PLCXD3: variants seen among roughly 807,000 people sequenced by gnomAD.
The protein encoded by PLCXD3 is PI-PLC X domain-containing protein 3.
A neutral mutation model predicts 25.5 loss-of-function variants in PLCXD3; 19 were observed. The ratio of observed to expected loss-of-function variants is 0.75; its 90% confidence interval spans 0.52 to 1.09. The LOEUF (loss-of-function observed/expected upper bound fraction) is 1.09, where lower values mean the gene tolerates loss of function less well. Among genes scored for constraint, PLCXD3 ranks in the 50% least tolerant of loss-of-function variants. The probability of loss-of-function intolerance (pLI) is 0.00; values close to 1 mark genes in which losing one functional copy is unlikely to be tolerated. For missense variants in PLCXD3, 411 were observed against 388.1 expected, an observed-to-expected ratio of 1.06 and a Z score of -0.50; for synonymous variants, 174 against 137.6, an observed-to-expected ratio of 1.26 and a Z score of -1.85.
chr5:41,367,844 A>C (rs565177639), intron 2 of PLCXD3, among the ~76,000 whole-genome samples: 1 of 152,198 alleles, frequency 6.6e-6, no homozygotes, highest in Admixed American at 6.5e-5. Flanking sequence ...GTGTAGTTTC[A>C]ATTTTCTGTA....
intron 2 of PLCXD3, among the ~76,000 whole-genome samples, chr5:41,331,988 C>G (rs943738784): frequency 1.3e-5 from 2 of 152,166 alleles, no homozygotes; most frequent in African/African-American, 4.8e-5. Flanking sequence ...ACCTTAAAAA[C>G]CCTAGAAGAA....
At chr5:41,473,529 G>A (rs975542406) in intron 1 of PLCXD3, among the ~76,000 whole-genome samples, 3 of 151,872 alleles carry the variant, frequency 2.0e-5, no homozygotes, top group Admixed American at 2.0e-4. Context: ...CGCAGGCTCC[G>A]CCTCCCAGGT....
At chr5:41,401,005 A>AG (rs1189276183) in intron 1 of PLCXD3, among the ~76,000 whole-genome samples, 1 of 21,340 alleles carries the variant, frequency 4.7e-5, no homozygotes, top group Non-Finnish European at 1.1e-4. Context: ...TAAAAAGCTA[A>AG]AAAAAAAATA....
intron 1 of PLCXD3, among the ~76,000 whole-genome samples, chr5:41,398,437 C>A (rs1746076140): frequency 6.6e-6 from 1 of 152,114 alleles, no homozygotes; most frequent in African/African-American, 2.4e-5. Context: ...TCCTGTACAG[C>A]CTGTGGAACT....
At chr5:41,429,542 A>G (rs1310372902) in intron 1 of PLCXD3, among the ~76,000 whole-genome samples, 2 of 152,182 alleles carry the variant, frequency 1.3e-5, no homozygotes, top group Non-Finnish European at 2.9e-5. Flanking sequence ...TTTGTGTCTT[A>G]TAGGACTGGG....
chr5:41,335,397 A>T (rs1743950200), intron 2 of PLCXD3, among the ~76,000 whole-genome samples: 1 of 152,126 alleles, frequency 6.6e-6, no homozygotes, highest in Admixed American at 6.6e-5. Flanking sequence ...GAAACCCACA[A>T]CACAAATCAA....
intron 1 of PLCXD3, among the ~76,000 whole-genome samples, chr5:41,391,408 G>T (rs2085836): frequency 0.012 from 1,779 of 152,228 alleles, 40 homozygotes; most frequent in African/African-American, 0.041. Context: ...GAGTCATGAG[G>T]TCCCCATTTC....
rs541493104 is a variant in PLCXD3, at chr5:41,347,798, G to T, written c.812+34028C>A. 2.0e-5 allele frequency among the ~76,000 whole-genome samples: 3 copies of T among 152,280 alleles called. No individual in the cohort carries two copies. In the South Asian group the frequency reaches 6.2e-4, roughly 32 times the overall value. Reference sequence around the variant, plus strand: ...TATTATTCAAAGAATCACCAAAGAGGTGCAGGAAAGACTGAGAGAGGAAAA... The same window carrying T: ...TATTATTCAAAGAATCACCAAAGAGTTGCAGGAAAGACTGAGAGAGGAAAA... On this transcript the variant is annotated intron_variant, in intron 2 of 2. Coordinates refer to ENST00000377801, the MANE Select transcript of PLCXD3 (RefSeq NM_001005473.3).
In PLCXD3 at chr5:41,382,258, T is replaced by C; in HGVS notation, c.380A>G (p.Glu127Gly). 6.2e-7 allele frequency: 1 copy of C among 1,613,756 alleles called. No individual in the cohort carries two copies. Among genetic ancestry groups the C allele is most frequent in the Non-Finnish European group, 8.5e-7 (1 of 1,179,790 alleles). Reference protein sequence around the residue: ...FSAKVNEGLEEINAFLTDHHK... With the variant: ...FSAKVNEGLEGINAFLTDHHK... Reference sequence around the variant, plus strand: ...GTGATCTGTGAGGAATGCATTGATCTCCTCAAGGCCTTCATTGACTTTGGC... The same window carrying C: ...GTGATCTGTGAGGAATGCATTGATCCCCTCAAGGCCTTCATTGACTTTGGC... Residue 127 changes from glutamate (E) to glycine (G), a missense_variant, in exon 2 of 3, where the codon GAG (glutamate) becomes GGG (glycine). Physicochemically the swap from Glu to Gly is moderately conservative, Grantham distance 98. Transcript: ENST00000377801.
At chr5:41,445,529 C>T (rs1385236871) in intron 1 of PLCXD3, among the ~76,000 whole-genome samples, 1 of 152,178 alleles carries the variant, frequency 6.6e-6, no homozygotes, top group African/African-American at 2.4e-5. Flanking sequence ...ATTCTCCTCA[C>T]TAGGAAGAGA....
intron 1 of PLCXD3, among the ~76,000 whole-genome samples, chr5:41,446,970 TTGTTCAATAGCTGCAAAGGCTATTAA>T (rs1747518646): frequency 6.6e-6 from 1 of 152,228 alleles, no homozygotes; most frequent in African/African-American, 2.4e-5. Flanking sequence ...GCTGTAATAA[TTGTTCAATAGCTGCAAAGGCTATTAA>T]TGTTCAGAAA....
intron 2 of PLCXD3, among the ~76,000 whole-genome samples, chr5:41,323,484 T>A (rs901156255): frequency 6.6e-6 from 1 of 152,142 alleles, no homozygotes; most frequent in Non-Finnish European, 1.5e-5. Flanking sequence ...CCCATAAATA[T>A]ATACACCTAC....
intron 2 of PLCXD3, among the ~76,000 whole-genome samples, chr5:41,331,824 G>C (rs1435272402): frequency 6.6e-6 from 1 of 151,566 alleles, no homozygotes; most frequent in African/African-American, 2.4e-5. Context: ...ACAAACCTGA[G>C]AAAAAAAAGC....
intron 1 of PLCXD3, among the ~76,000 whole-genome samples, chr5:41,409,422 C>A (rs1322996023): frequency 1.3e-5 from 2 of 152,282 alleles, no homozygotes; most frequent in South Asian, 2.1e-4. Flanking sequence ...CGATACTCTG[C>A]CCCTCATTGT....
intron 2 of PLCXD3, among the ~76,000 whole-genome samples, chr5:41,352,360 C>A (rs1340084486): frequency 2.6e-5 from 4 of 152,166 alleles, no homozygotes; most frequent in Non-Finnish European, 5.9e-5. Flanking sequence ...GTTCACCTGG[C>A]AAATTTCTAC....
chr5:41,423,018 T>A lies in PLCXD3; in HGVS notation c.104-40484A>T, dbSNP rs145636466. Among the ~76,000 whole-genome samples the A allele has an allele frequency of 2.0e-3, 304 of 152,246 alleles. 2 individuals carry two copies. The highest frequency in any genetic ancestry group is 6.8e-3 in the African/African-American group (281 of 41,572). On this transcript the variant is annotated intron_variant, in intron 1 of 2. Transcript: ENST00000377801. ...AAAAGTATTAATTTTTTAAAAAAAA[T>A]TATGAATGGGTGTTGAATATTATCA...
chr5:41,455,545 C>T (rs967677611), intron 1 of PLCXD3, among the ~76,000 whole-genome samples: 2 of 151,768 alleles, frequency 1.3e-5, no homozygotes, highest in African/African-American at 4.8e-5. Context: ...CACTAAAGAA[C>T]CCAGAAACTG....
At chr5:41,493,805 G>C (rs554047370) in intron 1 of PLCXD3, among the ~76,000 whole-genome samples, 14 of 152,334 alleles carry the variant, frequency 9.2e-5, no homozygotes, top group Admixed American at 4.6e-4. Context: ...CAGTATTGGG[G>C]TGGGAGTGAC....
chr5:41,473,253 C>T (rs974097861), intron 1 of PLCXD3, among the ~76,000 whole-genome samples: 1 of 151,776 alleles, frequency 6.6e-6, no homozygotes, highest in African/African-American at 2.4e-5. Context: ...ACATCTTGGG[C>T]CTTTAATGAA....
Sources: gnomAD v4.1 joint callset for allele counts (sites outside exome capture counted in the v4.1 genomes callset) on GRCh38, gnomAD v4.1.1 for gene constraint, MANE v1.5 for transcripts, NCBI Gene and HGNC (gene_info 2026-07-23, HGNC 2026-07-21) for gene names.